Variants in TGFBR3 observed in about 807,000 individuals in gnomAD.
The protein encoded by TGFBR3 is transforming growth factor beta receptor type 3.
A neutral mutation model predicts 87.9 loss-of-function variants in TGFBR3; 46 were observed. The observed-to-expected ratio is 0.52, with a 90% CI of 0.41 to 0.67. The LOEUF (loss-of-function observed/expected upper bound fraction) is 0.67. TGFBR3 is among the 30% of genes least tolerant of loss of function. The probability of loss-of-function intolerance (pLI) is 0.00; values close to 1 mark genes in which losing one functional copy is unlikely to be tolerated. For synonymous variants in TGFBR3, 381 were observed against 391.6 expected, an observed-to-expected ratio of 0.97 and a Z score of 0.32; for missense variants, 866 against 1,041.9, an observed-to-expected ratio of 0.83 and a Z score of 2.32.
intron 6 of TGFBR3, among the ~76,000 whole-genome samples, chr1:91,728,630 C>T (rs563432301): frequency 8.5e-5 from 13 of 152,302 alleles, no homozygotes; most frequent in African/African-American, 1.2e-4. Flanking sequence ...TCAGGCCTGA[C>T]GTCGAAGCAC....
chr1:91,683,643 G>A lies in TGFBR3; in HGVS notation c.*96C>T. The A allele has an allele frequency of 9.8e-7, 1 of 1,016,660 alleles. No individual in the cohort carries two copies. The highest frequency in any genetic ancestry group is 1.5e-6 in the Non-Finnish European group (1 of 680,642). 63.0% of individuals were successfully genotyped at this position (1,016,660 alleles called of 1,614,324 possible). On this transcript the variant is annotated 3_prime_UTR_variant, in exon 17 of 17. Transcript: ENST00000212355. ...CAAGGGAACCAAAATCCAGCCCTCT[G>A]AGTCTGGACACGAGGCTCAGCCATT...
At chr1:91,753,815 T>C (rs891135017) in intron 4 of TGFBR3, among the ~76,000 whole-genome samples, 7 of 152,232 alleles carry the variant, frequency 4.6e-5, no homozygotes, top group African/African-American at 1.7e-4. Flanking sequence ...TATTCCATTA[T>C]ATGGATATAG....
At chr1:91,737,112 C>T (rs1360353621) in intron 4 of TGFBR3, among the ~76,000 whole-genome samples, 2 of 152,106 alleles carry the variant, frequency 1.3e-5, no homozygotes, top group East Asian at 3.9e-4. Flanking sequence ...TTGTTGTCCT[C>T]ACGGGCCAGC....
chr1:91,696,074 T>C (rs1230944054), intron 15 of TGFBR3, among the ~76,000 whole-genome samples: 1 of 152,222 alleles, frequency 6.6e-6, no homozygotes, highest in Non-Finnish European at 1.5e-5. Context: ...CATCTCATTG[T>C]CTCACTCTAA....
At chr1:91,821,266 G>A (rs972813670) in intron 2 of TGFBR3, among the ~76,000 whole-genome samples, 3 of 138,858 alleles carry the variant, frequency 2.2e-5, no homozygotes, top group Non-Finnish European at 4.6e-5. Flanking sequence ...GGAGACAGAA[G>A]TTGGAGTGAG....
At chr1:91,874,076 G>T (rs1251309401) in intron 1 of TGFBR3, among the ~76,000 whole-genome samples, 3 of 152,108 alleles carry the variant, frequency 2.0e-5, no homozygotes, top group Admixed American at 6.6e-5. Flanking sequence ...AAAAATCCCT[G>T]CCCTGATGGA....
intron 16 of TGFBR3, among the ~76,000 whole-genome samples, chr1:91,688,737 A>G (rs1180337407): frequency 6.6e-6 from 1 of 152,130 alleles, no homozygotes; most frequent in Non-Finnish European, 1.5e-5. Flanking sequence ...TTCTTAAAGC[A>G]AAAGTCAAGC....
At chr1:91,891,767 A>C (rs1679456271) in intron 2 of TGFBR3, among the ~76,000 whole-genome samples, 1 of 152,150 alleles carries the variant, frequency 6.6e-6, no homozygotes. Flanking sequence ...CTGCTCTGTT[A>C]ACCTATTATC....
chr1:91,722,192 A>T (rs375683775), intron 7 of TGFBR3, 48 bp from the exon 8 acceptor site: 8 of 1,424,056 alleles, frequency 5.6e-6, no homozygotes, highest in African/African-American at 1.4e-5. Context: ...ATTAAACAGT[A>T]CTTTAGATAA....
At chr1:91,806,328 T>C (rs1675825233) in intron 2 of TGFBR3, among the ~76,000 whole-genome samples, 1 of 152,190 alleles carries the variant, frequency 6.6e-6, no homozygotes, top group African/African-American at 2.4e-5. Flanking sequence ...CCCACATCCC[T>C]GCTGGCGGTG....
intron 2 of TGFBR3, among the ~76,000 whole-genome samples, chr1:91,858,610 CAAAAA>C (rs58608714): frequency 2.6e-5 from 2 of 78,316 alleles, no homozygotes; most frequent in Non-Finnish European, 2.3e-5. Context: ...GACTCTGTCT[CAAAAA>C]AAAAAAAAAA....
intron 2 of TGFBR3, among the ~76,000 whole-genome samples, chr1:91,898,659 G>A (rs902541423): frequency 1.1e-4 from 16 of 151,968 alleles, no homozygotes; most frequent in Admixed American, 8.5e-4. Flanking sequence ...GGATGGTCTC[G>A]ATCTCCTGAC....
At chr1:91,822,576 C>T (rs941933338) in intron 2 of TGFBR3, among the ~76,000 whole-genome samples, 34 of 152,274 alleles carry the variant, frequency 2.2e-4, no homozygotes, top group African/African-American at 7.5e-4. Context: ...TTCTGCTTCA[C>T]ATTAGTTATT....
At chr1:91,748,800 C>T (rs1021581938) in intron 4 of TGFBR3, among the ~76,000 whole-genome samples, 1 of 151,912 alleles carries the variant, frequency 6.6e-6, no homozygotes, top group African/African-American at 2.4e-5. Flanking sequence ...TGGGTTAGAG[C>T]CCCCGTTTAC....
intron 5 of TGFBR3, among the ~76,000 whole-genome samples, chr1:91,734,045 G>GGAGGGAGAGAGGGAGA (rs201158351): frequency 7.9e-5 from 6 of 76,262 alleles, no homozygotes; most frequent in Admixed American, 2.8e-4. Flanking sequence ...AGGAAGGAAG[G>GGAGGGAGAGAGGGAGA]GAGGGAGAGA....
intron 14 of TGFBR3, among the ~76,000 whole-genome samples, chr1:91,703,239 T>C (rs971404159): frequency 2.0e-5 from 3 of 152,144 alleles, no homozygotes; most frequent in African/African-American, 7.2e-5. Flanking sequence ...AGTATTTTTA[T>C]TCTGGAAAGA....
intron 2 of TGFBR3, among the ~76,000 whole-genome samples, chr1:91,895,386 G>T (rs1679532595): frequency 1.3e-5 from 2 of 151,850 alleles, no homozygotes; most frequent in South Asian, 4.2e-4. Context: ...GCTTCCTGAG[G>T]CCTCCCCGAG....
At chr1:91,866,121 A>G (rs1678388839) in intron 1 of TGFBR3, among the ~76,000 whole-genome samples, 1 of 152,194 alleles carries the variant, frequency 6.6e-6, no homozygotes, top group African/African-American at 2.4e-5. Context: ...ATCCAAATGA[A>G]TCCTCAAAAC....
chr1:91,830,624 C>T (rs1056322507), intron 2 of TGFBR3, among the ~76,000 whole-genome samples: 2 of 152,084 alleles, frequency 1.3e-5, no homozygotes, highest in African/African-American at 4.8e-5. Context: ...TGGGAGTCTG[C>T]CCCCTGAGGA....
Sources: allele counts gnomAD v4.1 joint callset (sites outside exome capture counted in the v4.1 genomes callset), GRCh38; gene constraint gnomAD v4.1.1; transcripts MANE v1.5; gene names NCBI Gene and HGNC (gene_info 2026-07-23, HGNC 2026-07-21).